Variants in MTCL1 observed in about 807,000 individuals in gnomAD.
The protein encoded by MTCL1 is microtubule crosslinking factor 1, also known as microtubule cross-linking factor 1.
In MTCL1, 79 loss-of-function variants were observed where a neutral mutation model predicts 141.4. The observed-to-expected ratio is 0.56, with a 90% CI of 0.47 to 0.67. The LOEUF (loss-of-function observed/expected upper bound fraction) is 0.67, where lower values mean the gene tolerates loss of function less well. Among genes scored for constraint, MTCL1 ranks in the 30% least tolerant of loss-of-function variants. The pLI is 0.00. For synonymous variants in MTCL1, 914 were observed against 875.8 expected, an observed-to-expected ratio of 1.04 and a Z score of -0.77; for missense variants, 2,177 against 2,113.9, an observed-to-expected ratio of 1.03 and a Z score of -0.59.
intron 7 of MTCL1, chr18:8,786,441 G>A (rs990066650): frequency 4.4e-5 from 21 of 482,662 alleles, no homozygotes; most frequent in South Asian, 1.2e-4. Flanking sequence ...AACCCAGCAC[G>A]GGCTTCCCTG....
chr18:8,798,226 C>T lies in MTCL1; in HGVS notation c.2371C>T (p.Arg791Trp), dbSNP rs144721445. ...AGTGGGGGAGCACTCCCCACACTCC[C>T]GGGTGCAGATTGGAGATCACAGCTT... is the stretch of plus-strand genomic sequence containing the variant. Residue 791 changes from arginine to tryptophan, a missense_variant, in exon 10 of 17, where the codon CGG becomes TGG. Transcript: ENST00000359865. The T allele has an allele frequency of 1.4e-4, 220 of 1,595,368 alleles. 1 individual carries two copies. The East Asian group carries it at 4.6e-3, about 34-fold the overall frequency.
chr18:8,785,019 T>TGG (rs1383689406), intron 6 of MTCL1, among the ~76,000 whole-genome samples, 176 bp downstream of exon 5: 24 of 148,452 alleles, frequency 1.6e-4, no homozygotes, highest in African/African-American at 6.2e-4. Context: ...TCCGTTTTTT[T>TGG]TGTTTTTTTT....
At chr18:8,728,039 A>G (rs2096227771) in intron 4 of MTCL1, among the ~76,000 whole-genome samples, 1 of 152,180 alleles carries the variant, frequency 6.6e-6, no homozygotes, top group African/African-American at 2.4e-5. Flanking sequence ...AAAACTAATC[A>G]TTAGCTGTAT....
chr18:8,788,728 G>A (rs891922298), intron 7 of MTCL1, among the ~76,000 whole-genome samples: 5 of 152,178 alleles, frequency 3.3e-5, no homozygotes, highest in Admixed American at 2.0e-4. Context: ...GGAAAGGGGC[G>A]GCCTCTCCAA....
intron 4 of MTCL1, among the ~76,000 whole-genome samples, chr18:8,767,393 C>T (rs1488142242): frequency 6.6e-6 from 1 of 152,138 alleles, no homozygotes; most frequent in African/African-American, 2.4e-5. Context: ...GTCAGTAAGT[C>T]GGACAGGGTG....
chr18:8,760,182 C>T (rs1598527634), intron 4 of MTCL1, among the ~76,000 whole-genome samples: 1 of 152,132 alleles, frequency 6.6e-6, no homozygotes, highest in East Asian at 1.9e-4. Context: ...GTGAGTCCAA[C>T]CTGCCTCCTT....
At chr18:8,831,909 C>A in exon 17 of MTCL1, 3 of 1,333,884 alleles carry the variant, frequency 2.2e-6, no homozygotes, top group South Asian at 1.3e-5. Flanking sequence ...TTCTCAAGGT[C>A]AAAGAATGTT....
chr18:8,821,933 A>G (rs2076858492), intron 14 of MTCL1, among the ~76,000 whole-genome samples: 1 of 152,228 alleles, frequency 6.6e-6, no homozygotes, highest in Non-Finnish European at 1.5e-5. Context: ...TGAAGAAGAT[A>G]TATAGTGGTT....
intron 16 of MTCL1, chr18:8,831,006 A>G: frequency 1.0e-6 from 1 of 986,046 alleles, no homozygotes; most frequent in Non-Finnish European, 1.2e-6. Context: ...ATTAAAGAAA[A>G]CCAGACCCAA....
At chr18:8,776,010 G>A (rs951148981) in intron 4 of MTCL1, among the ~76,000 whole-genome samples, 1 of 152,234 alleles carries the variant, frequency 6.6e-6, no homozygotes, top group African/African-American at 2.4e-5. Context: ...AATGTGAACA[G>A]TGCTGAGTTA....
intron 11 of MTCL1, among the ~76,000 whole-genome samples, chr18:8,808,240 C>T (rs542603220): frequency 6.6e-6 from 1 of 152,308 alleles, no homozygotes; most frequent in East Asian, 1.9e-4. Flanking sequence ...CCTGCAGCAT[C>T]AGCAGCGGAG....
chr18:8,741,492 G>C (rs2096303092), intron 4 of MTCL1, among the ~76,000 whole-genome samples: 2 of 152,068 alleles, frequency 1.3e-5, no homozygotes, highest in Admixed American at 1.3e-4. Flanking sequence ...CTTTTCCAGG[G>C]CAAAAATTAC....
intron 4 of MTCL1, among the ~76,000 whole-genome samples, chr18:8,760,998 A>G (rs2096429321): frequency 6.6e-6 from 1 of 152,228 alleles, no homozygotes; most frequent in Admixed American, 6.5e-5. Context: ...AAAATTTTAA[A>G]TGTGTGTCAC....
chr18:8,738,902 T>G (rs1485499287), intron 4 of MTCL1, among the ~76,000 whole-genome samples: 2 of 152,170 alleles, frequency 1.3e-5, no homozygotes, highest in Non-Finnish European at 2.9e-5. Flanking sequence ...TCCTGAAGTC[T>G]GGACTTAGTA....
intron 12 of MTCL1, among the ~76,000 whole-genome samples, chr18:8,817,049 A>C (rs969664424): frequency 6.6e-6 from 1 of 152,102 alleles, no homozygotes. Flanking sequence ...TTGAAATCCT[A>C]CTTTACTGAG....
chr18:8,718,287 C>T, intron 2 of MTCL1, 137 bp from the exon 2 acceptor site: 1 of 802,604 alleles, frequency 1.2e-6, no homozygotes, highest in East Asian at 2.7e-5. Flanking sequence ...GTGCCTGTCA[C>T]CCAGGCGTGG....
intron 2 of MTCL1, 77 bp from the exon 2 acceptor site, chr18:8,718,347 A>G (rs2096143953): frequency 4.4e-6 from 6 of 1,361,000 alleles, no homozygotes; most frequent in Non-Finnish European, 6.2e-6. Flanking sequence ...AGTATTGAGG[A>G]GCGGGTATGA....
intron 1 of MTCL1, among the ~76,000 whole-genome samples, chr18:8,708,639 TG>T (rs1286477337): frequency 6.6e-6 from 1 of 152,248 alleles, no homozygotes; most frequent in Non-Finnish European, 1.5e-5. Flanking sequence ...CCGAGCACAC[TG>T]CTTCTGAGTT....
chr18:8,818,845 T>C (rs912066324), intron 12 of MTCL1, 118 bp from the exon 12 acceptor site: 1 of 1,009,354 alleles, frequency 9.9e-7, no homozygotes, highest in Non-Finnish European at 1.5e-6. Context: ...CATTTGCTTC[T>C]CACAATATTT....
Sources: allele counts gnomAD v4.1 joint callset (sites outside exome capture counted in the v4.1 genomes callset), GRCh38; gene constraint gnomAD v4.1.1; transcripts MANE v1.5; gene names NCBI Gene and HGNC (gene_info 2026-07-23, HGNC 2026-07-21).